MRPL23: variants seen among roughly 807,000 people sequenced by gnomAD.
MRPL23 encodes large ribosomal subunit protein uL23m.
For missense variants in MRPL23, 25 were observed against 81.3 expected (o/e 0.31, Z 2.66); for synonymous variants, 12 against 34.8 (o/e 0.35, Z 2.30).
downstream of MRPL23, among the ~76,000 whole-genome samples, chr11:1,966,870 C>G (rs1333260260): frequency 2.6e-4 from 2 of 7,684 alleles, 1 homozygote; most frequent in African/African-American, 2.9e-4. Context: ...CTCCGCAGTC[C>G]CCACCCTGGT....
At chr11:1,988,757 C>CT (rs1367613189), downstream of MRPL23, among the ~76,000 whole-genome samples, 2 of 138,526 alleles carry the variant, frequency 1.4e-5, no homozygotes, top group African/African-American at 2.6e-5. Flanking sequence ...CCGCCCCCGC[C>CT]TTTCCCCTCT....
chr11:1,992,387 G>A, the MRPL23 span: 1 of 93,948 alleles, frequency 1.1e-5, no homozygotes, highest in African/African-American at 2.7e-5. Context: ...AGCAGCACGC[G>A]CCTCAAGTCC....
At chr11:1,994,391 G>A in the MRPL23 span, among the ~76,000 whole-genome samples, 5 of 95,068 alleles carry the variant, frequency 5.3e-5, 1 homozygote, top group African/African-American at 1.4e-4. Context: ...CCTGCATACC[G>A]GGGTTCTTGG....
At chr11:1,971,217 G>A (rs1395933423) in intron 4 of MRPL23, among the ~76,000 whole-genome samples, 1 of 124,634 alleles carries the variant, frequency 8.0e-6, no homozygotes, top group African/African-American at 2.5e-5. Context: ...CTGCAAGCCT[G>A]CCTTAGCCCA....
At chr11:1,950,732 C>T (rs217202) in intron 1 of MRPL23, among the ~76,000 whole-genome samples, 167 bp from the exon 2 acceptor site, 1,971 of 32,276 alleles carry the variant, frequency 0.061, 557 homozygotes, top group East Asian at 0.6. Context: ...TTAGCTACCC[C>T]GTTTCCCGCC....
intron 4 of MRPL23, among the ~76,000 whole-genome samples, chr11:1,953,771 A>G (rs992338680): frequency 1.1e-5 from 1 of 88,126 alleles, no homozygotes; most frequent in Non-Finnish European, 2.2e-5. Flanking sequence ...TTGTGGGGCT[A>G]AGGAGGCAGT....
chr11:1,994,026 G>A, the MRPL23 span, among the ~76,000 whole-genome samples: 2 of 96,854 alleles, frequency 2.1e-5, 1 homozygote, highest in Admixed American at 2.0e-4. Flanking sequence ...CAAGGGACGT[G>A]GGGAACCACC....
At chr11:1,991,695 T>C in the MRPL23 span, among the ~76,000 whole-genome samples, 2 of 130,966 alleles carry the variant, frequency 1.5e-5, 1 homozygote, top group Non-Finnish European at 3.5e-5. Flanking sequence ...CTGGCCCCCA[T>C]GTTGGGAGGG....
rs796443767 is a variant in MRPL23, at chr11:1,954,698, GGGCGCGCAGGAAT to G, written c.298-1556_298-1544del. ...GGATGCTGAGCAGCGCGGGAATGAA[GGGCGCGCAGGAAT>G]GAAGGGCGCACGACATGAGAGGCAA... On this transcript the variant is annotated intron_variant, in intron 4 of 4. Coordinates refer to ENST00000397298, the MANE Select transcript of MRPL23 (RefSeq NM_021134.4). Among the ~76,000 whole-genome samples the G allele has an allele frequency of 5.1e-4, 25 of 48,918 alleles. 6 individuals are homozygous for G. The highest frequency in any genetic ancestry group is 1.1e-3 in the African/African-American group (25 of 23,042). The allele number at this position is 48,918 out of a possible 152,430, so 32.1% of individuals were successfully genotyped here. A position where few individuals can be genotyped will look rare whatever the true frequency, so the allele number is the denominator to read the frequency against.
rs2119475524 is a variant in MRPL23 at position 1,948,644 on chromosome 11, G to A, written c.17+1265G>A. On this transcript the variant is annotated intron_variant, in intron 1 of 4. Coordinates refer to ENST00000397298, the MANE Select transcript of MRPL23 (RefSeq NM_021134.4). ...CGTGGGGCCGTGGGGAGGCAGGCTG[G>A]TGGCAGTGAGCCAGGTTTTTGTGTT... Among the ~76,000 whole-genome samples the A allele has an allele frequency of 2.4e-5, 2 of 82,386 alleles. 1 individual carries two copies. The highest frequency in any genetic ancestry group is 1.1e-3 in the East Asian group (2 of 1,886). The allele number at this position is 82,386 out of a possible 152,430, so 54.0% of individuals were successfully genotyped here. A position where few individuals can be genotyped will look rare whatever the true frequency, so the allele number is the denominator to read the frequency against.
At chr11:1,953,828 C>CAA (rs1390853833) in intron 4 of MRPL23, among the ~76,000 whole-genome samples, 2 of 82,266 alleles carry the variant, frequency 2.4e-5, no homozygotes, top group African/African-American at 1.1e-4. Context: ...GAAAAACAGT[C>CAA]ACATTTGTTG....
chr11:1,968,652 C>CGACA (rs1856575771), intron 4 of MRPL23, among the ~76,000 whole-genome samples: 1 of 146,926 alleles, frequency 6.8e-6, no homozygotes, highest in Admixed American at 6.8e-5. Context: ...GGAACATTCT[C>CGACA]GACAAGGCCT....
downstream of MRPL23, among the ~76,000 whole-genome samples, chr11:1,989,158 G>T (rs1856847813): frequency 8.1e-6 from 1 of 123,106 alleles, no homozygotes; most frequent in East Asian, 2.2e-4. Context: ...GAGAGAAGGG[G>T]GACGTGTCCC....
the MRPL23 span, chr11:1,992,389 C>T: frequency 1.1e-5 from 1 of 93,610 alleles, no homozygotes; most frequent in African/African-American, 2.7e-5. Context: ...CAGCACGCGC[C>T]TCAAGTCCTC....
chr11:1,966,742 G>T (rs1482467525), downstream of MRPL23, among the ~76,000 whole-genome samples: 2 of 108,154 alleles, frequency 1.8e-5, no homozygotes, highest in South Asian at 4.4e-4. Flanking sequence ...GGAGGCTCAG[G>T]CCTCATGGCA....
Position 1,956,327 on chromosome 11 carries a change from C to T in MRPL23, c.369C>T (p.Ala123=), listed in dbSNP as rs143731725. The change falls in exon 5 of 5, where the codon GCC becomes GCT. Residue 123 remains alanine (A), a synonymous_variant. Coordinates refer to ENST00000397298, the MANE Select transcript of MRPL23 (RefSeq NM_021134.4). ...ACGAGAGCCCTGAAGGCAGCGCTGC[C>T]GACGACCTCTACAGCATGCTCGAGG... The part of the protein sequence containing the change: ...EKDESPEGSA[A]DDLYSMLEEE... 24 of 1,555,758 alleles carry T rather than the reference C, an allele frequency of 1.5e-5. 3 individuals are homozygous for T. In the East Asian group the frequency reaches 4.2e-4, roughly 27 times the overall value.
chr11:1,994,681 C>T, the MRPL23 span, among the ~76,000 whole-genome samples: 14 of 72,178 alleles, frequency 1.9e-4, 3 homozygotes, highest in East Asian at 8.4e-4. Flanking sequence ...GCGCGGGGTT[C>T]GTGCCCCTGT....
downstream of MRPL23, among the ~76,000 whole-genome samples, chr11:1,989,030 G>T (rs1437881397): frequency 7.1e-6 from 1 of 140,480 alleles, no homozygotes; most frequent in African/African-American, 2.5e-5. Context: ...TCAGGCCGAC[G>T]CATCCCACCT....
At chr11:1,983,493 C>T (rs540275041) in intron 5 of MRPL23, 58 of 90,370 alleles carry the variant, frequency 6.4e-4, no homozygotes, top group Non-Finnish European at 1.4e-3. Context: ...CCCATGAAGC[C>T]GTCTTTCTCC....
Sources: gnomAD v4.1 joint callset for allele counts (sites outside exome capture counted in the v4.1 genomes callset) on GRCh38, gnomAD v4.1.1 for gene constraint, MANE v1.5 for transcripts, NCBI Gene and HGNC (gene_info 2026-07-23, HGNC 2026-07-21) for gene names.